CTNNA3: variants seen among roughly 807,000 people sequenced by gnomAD.
CTNNA3 encodes catenin alpha-3.
Under a neutral mutation model 95.7 loss-of-function variants are expected in CTNNA3, and 76 were observed. That is an observed-to-expected ratio of 0.79 (90% CI 0.66 to 0.96). The LOEUF (loss-of-function observed/expected upper bound fraction) is 0.96, where lower values mean the gene tolerates loss of function less well. Among genes scored for constraint, CTNNA3 ranks in the 40% least tolerant of loss-of-function variants. CTNNA3 has a pLI of 0.00. For missense variants in CTNNA3, 1,191 were observed against 1,089.8 expected (o/e 1.09, Z -1.31); for synonymous variants, 431 against 374.4 (o/e 1.15, Z -1.74).
intron 5 of CTNNA3, among the ~76,000 whole-genome samples, chr10:67,484,944 T>C (rs1848386996): frequency 6.6e-6 from 1 of 152,198 alleles, no homozygotes; most frequent in Admixed American, 6.5e-5. Context: ...GACTATCATC[T>C]GGCCCAGCAA....
chr10:67,104,130 A>G (rs1170664011), intron 7 of CTNNA3, among the ~76,000 whole-genome samples: 1 of 151,868 alleles, frequency 6.6e-6, no homozygotes, highest in Admixed American at 6.6e-5. Context: ...ACTGGCTGAA[A>G]AAAAGAGGTC....
intron 17 of CTNNA3, among the ~76,000 whole-genome samples, chr10:65,965,497 T>G (rs970141400): frequency 6.2e-5 from 9 of 145,472 alleles, no homozygotes; most frequent in Non-Finnish European, 1.2e-4. Context: ...TTCCACCTCC[T>G]GGGTTCAAGT....
At chr10:66,066,102 A>C (rs1380045075) in intron 15 of CTNNA3, among the ~76,000 whole-genome samples, 2 of 152,070 alleles carry the variant, frequency 1.3e-5, no homozygotes, top group Non-Finnish European at 2.9e-5. Context: ...ACCTCTGGTG[A>C]CCTGTCCACC....
chr10:67,126,924 A>G (rs1859746864), intron 7 of CTNNA3, among the ~76,000 whole-genome samples: 1 of 151,560 alleles, frequency 6.6e-6, no homozygotes, highest in Admixed American at 6.6e-5. Flanking sequence ...GAGTTTTCAG[A>G]TTTTGTTTTT....
chr10:66,326,170 C>T (rs2092251387), intron 12 of CTNNA3, among the ~76,000 whole-genome samples: 1 of 152,020 alleles, frequency 6.6e-6, no homozygotes, highest in South Asian at 2.1e-4. Flanking sequence ...GATACTTTAC[C>T]ACACAACTTA....
At chr10:66,348,697 C>T (rs2092543777) in intron 12 of CTNNA3, among the ~76,000 whole-genome samples, 1 of 152,056 alleles carries the variant, frequency 6.6e-6, no homozygotes, top group South Asian at 2.1e-4. Context: ...TCAATCTTGC[C>T]TCCTACACCA....
At chr10:67,550,499 C>T (rs1260068993) in intron 3 of CTNNA3, among the ~76,000 whole-genome samples, 1 of 148,834 alleles carries the variant, frequency 6.7e-6, no homozygotes, top group Non-Finnish European at 1.5e-5. Flanking sequence ...TATGGAAACA[C>T]ATAGAATAAA....
Position 66,755,390 on chromosome 10 carries a change from C to G in CTNNA3, c.1281+10874G>C, listed in dbSNP as rs138977168. On this transcript the variant is annotated intron_variant, in intron 9 of 17. Coordinates refer to ENST00000433211, the MANE Select transcript of CTNNA3 (RefSeq NM_013266.4). ...TGATTGTAGTGATAGTTGCACAACT[C>G]TGTGGAATATTGGAAACAATCGAAA... 4.4e-3 allele frequency among the ~76,000 whole-genome samples: 672 copies of G among 152,132 alleles called. 3 individuals are homozygous for G. Among genetic ancestry groups the G allele is most frequent in the Middle Eastern group, 0.014 (4 of 294 alleles).
At chr10:67,244,276 C>G (rs1448466197) in intron 5 of CTNNA3, among the ~76,000 whole-genome samples, 2 of 152,100 alleles carry the variant, frequency 1.3e-5, no homozygotes, top group African/African-American at 4.8e-5. Flanking sequence ...CTTTCAGAAC[C>G]TATTGCTTTG....
intron 10 of CTNNA3, among the ~76,000 whole-genome samples, chr10:66,543,187 G>A (rs189822092): frequency 6.6e-6 from 1 of 152,036 alleles, no homozygotes; most frequent in East Asian, 1.9e-4. Flanking sequence ...CTGCCTCCCA[G>A]GTTCAAGCAA....
Position 66,041,876 on chromosome 10 carries a change from T to C in CTNNA3, c.2159+27432A>G, listed in dbSNP as rs571045958. Among the ~76,000 whole-genome samples, 4 of 152,294 alleles carry C rather than the reference T, an allele frequency of 2.6e-5. No individual in the cohort carries two copies. In the South Asian group the frequency reaches 6.2e-4, roughly 24 times the overall value. ...TCCTGTCTAAATAGCTGAAAGAATA[T>C]ATAATAAAAATGAATAATTGTGGCC... On this transcript the variant is annotated intron_variant, in intron 15 of 17. Coordinates refer to ENST00000433211, the MANE Select transcript of CTNNA3 (RefSeq NM_013266.4).
At chr10:67,273,245 T>C (rs934860484) in intron 5 of CTNNA3, among the ~76,000 whole-genome samples, 4 of 151,912 alleles carry the variant, frequency 2.6e-5, no homozygotes, top group Non-Finnish European at 5.9e-5. Context: ...CGGGAAAAGA[T>C]AAAAATAAAT....
At chr10:66,779,924 T>C (rs1840463784) in intron 7 of CTNNA3, among the ~76,000 whole-genome samples, 1 of 152,118 alleles carries the variant, frequency 6.6e-6, no homozygotes, top group South Asian at 2.1e-4. Context: ...CAGTAGTTTA[T>C]AGAGGTACCT....
At chr10:67,368,071 A>C (rs537223784) in intron 5 of CTNNA3, among the ~76,000 whole-genome samples, 3 of 149,002 alleles carry the variant, frequency 2.0e-5, no homozygotes, top group African/African-American at 7.8e-5. Flanking sequence ...ACAGAGCTCC[A>C]AAAAAAATGA....
At chr10:67,051,162 G>A (rs1386151037) in intron 7 of CTNNA3, among the ~76,000 whole-genome samples, 22 of 152,210 alleles carry the variant, frequency 1.4e-4, no homozygotes, top group Admixed American at 1.4e-3. Context: ...GCCCTGGCAG[G>A]AATGAGATCT....
chr10:66,990,931 GCAT>G, intron 7 of CTNNA3, among the ~76,000 whole-genome samples: 1 of 152,296 alleles, frequency 6.6e-6, no homozygotes, highest in African/African-American at 2.4e-5. Context: ...GGCAAACAAA[GCAT>G]CATTATTCCT....
rs187401101 is a variant in CTNNA3 at position 67,738,353 on chromosome 10, G to A, written c.-2+25081C>T. Among the ~76,000 whole-genome samples the A allele has an allele frequency of 3.9e-5, 6 of 152,278 alleles. No individual in the cohort carries two copies. The East Asian group carries it at 9.7e-4, about 25-fold the overall frequency. On this transcript the variant is annotated intron_variant, in intron 1 of 17. Coordinates refer to the CTNNA3 transcript ENST00000684154. ...AAACTCCAACAGACCTGCAGCTGAGGAACCTGACTGTTAGAAGAAAAACTA... is the reference window on the plus strand; with the variant it reads ...AAACTCCAACAGACCTGCAGCTGAGAAACCTGACTGTTAGAAGAAAAACTA...
rs768735520 is a variant in CTNNA3, at chr10:66,379,215, T to C, written c.1669A>G (p.Ser557Gly). ...VAHIVTGEMD[S>G]YEPGAYTEGV... The stretch of plus-strand genomic sequence containing the variant: ...TCCGTGTAAGCCCCTGGCTCGTAAC[T>C]GTCCATTTCACCCGTGACGATGTGA... Residue 557 changes from serine (S) to glycine (G), a missense_variant, in exon 12 of 18, where the codon AGT becomes GGT. Ser to Gly is a moderately conservative substitution (Grantham distance 56). Coordinates refer to ENST00000433211, the MANE Select transcript of CTNNA3 (RefSeq NM_013266.4). 1.9e-6 allele frequency: 3 copies of C among 1,614,146 alleles called. No homozygotes were observed. The highest frequency in any genetic ancestry group is 4.5e-5 in the East Asian group (2 of 44,868).
intron 2 of CTNNA3, among the ~76,000 whole-genome samples, chr10:67,618,168 AC>A (rs1356241287): frequency 8.5e-5 from 13 of 152,330 alleles, no homozygotes; most frequent in Admixed American, 3.9e-4. Context: ...CAAAAAGTCA[AC>A]CTTTTTCCAT....
Sources: gnomAD v4.1 joint callset for allele counts (sites outside exome capture counted in the v4.1 genomes callset) on GRCh38, gnomAD v4.1.1 for gene constraint, MANE v1.5 for transcripts, NCBI Gene and HGNC (gene_info 2026-07-23, HGNC 2026-07-21) for gene names.